The following BANK1 variants were observed in gnomAD, a reference collection of about 807,000 sequenced individuals.
BANK1 encodes the protein B-cell scaffold protein with ankyrin repeats.
Under a neutral mutation model 94.5 loss-of-function variants are expected in BANK1, and 95 were observed. The ratio of observed to expected loss-of-function variants is 1.00; its 90% CI spans 0.85 to 1.19. BANK1 has a LOEUF of 1.19. Among genes scored for constraint, BANK1 ranks in the 50% most tolerant of loss-of-function variants. The pLI, the probability that BANK1 is intolerant of heterozygous loss-of-function variation, is 0.00. For synonymous variants in BANK1, 334 were observed against 308.4 expected (o/e 1.08, Z -0.87); for missense variants, 987 against 932.2 (o/e 1.06, Z -0.77).
chr4:101,905,217 A>G (rs1722409401), intron 6 of BANK1, among the ~76,000 whole-genome samples: 1 of 152,200 alleles, frequency 6.6e-6, no homozygotes, highest in Admixed American at 6.5e-5. Context: ...AGACTTTCCT[A>G]AAAGTAATCC....
At chr4:102,026,976 T>G (rs1048313632) in intron 9 of BANK1, among the ~76,000 whole-genome samples, 21 of 152,194 alleles carry the variant, frequency 1.4e-4, no homozygotes, top group Non-Finnish European at 2.9e-4. Context: ...CTAGTGGATA[T>G]TCCTCTGATT....
Position 101,949,969 on chromosome 4 carries a change from A to G in BANK1, c.1206+31780A>G, listed in dbSNP as rs141368810. ...GTCTCAAGAGCATCTTATTGGTTTA[A>G]CTATGGGCAAGGATGCCTATAAACT... On this transcript the variant is annotated intron_variant, in intron 7 of 16. Coordinates refer to ENST00000322953, the MANE Select transcript of BANK1 (RefSeq NM_017935.5). Among the ~76,000 whole-genome samples, 169 of 151,792 alleles carry G rather than the reference A, an allele frequency of 1.1e-3. 6 individuals are homozygous for G. In the East Asian group the frequency reaches 0.03, roughly 27 times the overall value.
intron 2 of BANK1, among the ~76,000 whole-genome samples, chr4:101,851,515 G>T (rs1727474879): frequency 6.6e-6 from 1 of 152,210 alleles, no homozygotes. Context: ...AAGGAATAAT[G>T]AGTGAATTTG....
intron 7 of BANK1, among the ~76,000 whole-genome samples, chr4:102,014,750 G>A (rs1726635938): frequency 6.6e-6 from 1 of 152,076 alleles, no homozygotes; most frequent in Non-Finnish European, 1.5e-5. Context: ...AGCAGTATTG[G>A]TGTTGTCATG....
At chr4:101,791,004 C>G (rs1230940658) in intron 1 of BANK1, 54 bp downstream of exon 1, 1 of 1,370,440 alleles carries the variant, frequency 7.3e-7, no homozygotes, top group Non-Finnish European at 9.6e-7. Context: ...CTACGGGGCT[C>G]TGCGGAGACC....
chr4:101,913,727 C>T (rs183652377), intron 6 of BANK1, among the ~76,000 whole-genome samples: 1 of 152,270 alleles, frequency 6.6e-6, no homozygotes, highest in Admixed American at 6.5e-5. Context: ...GTACCTGAAA[C>T]CCCCACCTCT....
intron 5 of BANK1, among the ~76,000 whole-genome samples, chr4:101,883,614 C>T (rs1728751888): frequency 6.6e-6 from 1 of 152,276 alleles, no homozygotes; most frequent in South Asian, 2.1e-4. Flanking sequence ...CTGAGGTTGG[C>T]TTTGATCACC....
intron 6 of BANK1, among the ~76,000 whole-genome samples, chr4:101,901,769 G>GT (rs141270699): frequency 0.023 from 3,308 of 146,654 alleles, 49 homozygotes; most frequent in Non-Finnish European, 0.032. Flanking sequence ...TTTTGTTTTT[G>GT]TTTTTTTTTG....
chr4:101,795,610 T>G (rs961460535), intron 1 of BANK1, among the ~76,000 whole-genome samples: 3 of 152,180 alleles, frequency 2.0e-5, no homozygotes, highest in Non-Finnish European at 4.4e-5. Context: ...AGGAGTGTGT[T>G]TTTAGTACAG....
intron 2 of BANK1, among the ~76,000 whole-genome samples, chr4:101,831,127 TG>T (rs1578342923): frequency 6.6e-6 from 1 of 152,170 alleles, no homozygotes; most frequent in East Asian, 1.9e-4. Flanking sequence ...CCTGGCTGGG[TG>T]TTTCTCCTAC....
In BANK1 at chr4:101,790,934, C is replaced by G; in HGVS notation, c.54C>G (p.Cys18Trp). The G allele has an allele frequency of 6.6e-7, 1 of 1,525,894 alleles. No individual in the cohort carries two copies. The highest frequency in any genetic ancestry group is 8.8e-7 in the Non-Finnish European group (1 of 1,142,106). 94.5% of individuals were successfully genotyped at this position (1,525,894 alleles called of 1,614,324 possible). ...KGLGSPDPAPCGPAPPGNTKD... is the reference protein window; with the variant it reads ...KGLGSPDPAPWGPAPPGNTKD... ...TTGGGAGCCCGGACCCCGCCCCCTGCGGCCCAGCGCCCCCAGGTGGGTAGT... is the reference window on the plus strand; with the variant it reads ...TTGGGAGCCCGGACCCCGCCCCCTGGGGCCCAGCGCCCCCAGGTGGGTAGT... The change falls in exon 1 of 17, where the codon TGC becomes TGG. Residue 18 changes from cysteine (C) to tryptophan (W), a missense_variant. Physicochemically the swap from Cys to Trp is radical, Grantham distance 215. Transcript: ENST00000322953.
intron 2 of BANK1, among the ~76,000 whole-genome samples, chr4:101,853,370 GACC>G (rs1727564085): frequency 6.6e-6 from 1 of 152,142 alleles, no homozygotes; most frequent in Non-Finnish European, 1.5e-5. Context: ...GATACAGTGA[GACC>G]AATATTCTAA....
intron 7 of BANK1, among the ~76,000 whole-genome samples, chr4:101,992,906 C>CA (rs1490123440): frequency 1.3e-5 from 2 of 152,124 alleles, no homozygotes; most frequent in African/African-American, 4.8e-5. Context: ...CTCTGTCGCC[C>CA]AGAACTGAGG....
intron 6 of BANK1, among the ~76,000 whole-genome samples, chr4:101,912,336 G>A (rs1722690192): frequency 6.6e-6 from 1 of 151,986 alleles, no homozygotes; most frequent in African/African-American, 2.4e-5. Flanking sequence ...CTTAAGGTTT[G>A]AAAACTCACA....
At chr4:102,057,241 G>GCTCTCTCTCGCTTTCTCTTT (rs540530172) in intron 11 of BANK1, among the ~76,000 whole-genome samples, 46 of 140,818 alleles carry the variant, frequency 3.3e-4, no homozygotes, top group African/African-American at 1.2e-3. Flanking sequence ...TCTCTCTCTT[G>GCTCTCTCTCGCTTTCTCTTT]CTCTCTCTCT....
At chr4:102,052,668 T>C (rs1166592743) in intron 11 of BANK1, among the ~76,000 whole-genome samples, 1 of 152,144 alleles carries the variant, frequency 6.6e-6, no homozygotes, top group Admixed American at 6.6e-5. Context: ...ACTGCTTAAA[T>C]ATGAAGCTTT....
At chr4:102,033,103 T>C (rs568204779) in intron 10 of BANK1, among the ~76,000 whole-genome samples, 1 of 152,310 alleles carries the variant, frequency 6.6e-6, no homozygotes, top group East Asian at 1.9e-4. Context: ...ACATATCCAG[T>C]TCCCAGCATG....
chr4:102,037,034 A>T (rs144323125), intron 10 of BANK1: 1 of 152,340 alleles, frequency 6.6e-6, no homozygotes, highest in Non-Finnish European at 1.5e-5. Context: ...AGCACAATGA[A>T]TTCTGGTCTT....
intron 4 of BANK1, among the ~76,000 whole-genome samples, chr4:101,866,574 A>G (rs1197502025): frequency 2.0e-5 from 3 of 152,148 alleles, no homozygotes. Context: ...AACAAAAGAG[A>G]AAATCTTGTC....
Sources: allele counts gnomAD v4.1 joint callset (sites outside exome capture counted in the v4.1 genomes callset), GRCh38; gene constraint gnomAD v4.1.1; transcripts MANE v1.5; gene names NCBI Gene and HGNC (gene_info 2026-07-23, HGNC 2026-07-21).